Variants in PTPRT observed in about 807,000 individuals in gnomAD.
The protein encoded by PTPRT is receptor-type tyrosine-protein phosphatase T.
In PTPRT, 56 loss-of-function variants were observed where a neutral mutation model predicts 176.8. The observed-to-expected ratio is 0.32, with a 90% CI of 0.26 to 0.40. The LOEUF (loss-of-function observed/expected upper bound fraction) is 0.40, where lower values mean the gene tolerates loss of function less well. PTPRT is among the 10% of genes least tolerant of loss of function. The pLI, the probability that PTPRT is intolerant of heterozygous loss-of-function variation, is 1.00. For missense variants in PTPRT, 1,540 were observed against 1,908.2 expected (o/e 0.81, Z 3.60); for synonymous variants, 783 against 739.0 (o/e 1.06, Z -0.96).
At chr20:42,689,353 G>A (rs963499051) in intron 6 of PTPRT, among the ~76,000 whole-genome samples, 8 of 152,250 alleles carry the variant, frequency 5.3e-5, no homozygotes, top group East Asian at 3.9e-4. Flanking sequence ...GCCACTGGGC[G>A]GCCCAACTCC....
At chr20:42,283,911 T>C (rs1213254915) in intron 12 of PTPRT, among the ~76,000 whole-genome samples, 1 of 152,124 alleles carries the variant, frequency 6.6e-6, no homozygotes, top group Non-Finnish European at 1.5e-5. Flanking sequence ...CGTCCAAGTA[T>C]GACTCCCCAT....
intron 1 of PTPRT, among the ~76,000 whole-genome samples, chr20:43,135,330 A>G (rs2013795047): frequency 6.6e-6 from 1 of 152,224 alleles, no homozygotes; most frequent in Non-Finnish European, 1.5e-5. Context: ...CACACATAAA[A>G]TCATGCTGTA....
At chr20:42,354,849 T>A (rs1310136385) in intron 9 of PTPRT, among the ~76,000 whole-genome samples, 1 of 152,170 alleles carries the variant, frequency 6.6e-6, no homozygotes, top group Non-Finnish European at 1.5e-5. Context: ...TGGTGCCGCA[T>A]CCTTGAGGAG....
Position 42,080,638 on chromosome 20 carries a change from T to C in PTPRT, c.*241A>G. ...TGTGGGTGTACTTCTGCTTGGGCCC[T>C]TGGCTGTGGCTGGTTAGGTTGAAAA... On this transcript the variant is annotated 3_prime_UTR_variant, in exon 31 of 31. Coordinates refer to ENST00000373187, the MANE Select transcript of PTPRT (RefSeq NM_007050.6). 2.6e-6 allele frequency: 1 copy of C among 386,880 alleles called. No homozygotes were observed. Among genetic ancestry groups the C allele is most frequent in the Non-Finnish European group, 4.8e-6 (1 of 210,278 alleles). The allele number at this position is 386,880 out of a possible 1,614,324, so 24.0% of individuals were successfully genotyped here.
intron 6 of PTPRT, among the ~76,000 whole-genome samples, chr20:42,696,430 C>A (rs1297467977): frequency 6.6e-6 from 1 of 151,098 alleles, no homozygotes; most frequent in East Asian, 2.0e-4. Flanking sequence ...TAACAAGGTT[C>A]TAAAGCCTTC....
chr20:42,899,315 A>C (rs990965922), intron 1 of PTPRT, among the ~76,000 whole-genome samples: 1 of 152,218 alleles, frequency 6.6e-6, no homozygotes, highest in African/African-American at 2.4e-5. Flanking sequence ...TTTTCTCGAC[A>C]CAGAAGGACA....
intron 8 of PTPRT, among the ~76,000 whole-genome samples, chr20:42,456,699 A>G (rs550652574): frequency 7.4e-4 from 113 of 152,072 alleles, no homozygotes; most frequent in African/African-American, 2.6e-3. Context: ...TTTTTAAACT[A>G]TTTTTTTGCA....
intron 29 of PTPRT, 93 bp from the exon 30 acceptor site, chr20:42,082,110 T>C: frequency 6.4e-7 from 1 of 1,568,104 alleles, no homozygotes. Context: ...AGGGATCAGC[T>C]GTCTGGGCAG....
intron 7 of PTPRT, among the ~76,000 whole-genome samples, chr20:42,601,480 T>C (rs1274107330): frequency 6.6e-6 from 1 of 152,208 alleles, no homozygotes; most frequent in African/African-American, 2.4e-5. Context: ...TTCCACATTT[T>C]ACACACAAGA....
chr20:42,943,053 T>A (rs989783507), intron 1 of PTPRT, among the ~76,000 whole-genome samples: 4 of 152,218 alleles, frequency 2.6e-5, no homozygotes, highest in African/African-American at 9.6e-5. Flanking sequence ...AGTTTTTTTG[T>A]GGAAACCATT....
At position 42,965,294 on chromosome 20, in the gene PTPRT, G is replaced by A. The variant is rs148556076; in HGVS notation, c.89-79362C>T. Among the ~76,000 whole-genome samples the A allele has an allele frequency of 5.2e-3, 791 of 152,230 alleles. 9 individuals carry two copies. Among genetic ancestry groups the A allele is most frequent in the African/African-American group, 0.018 (753 of 41,534 alleles). On this transcript the variant is annotated intron_variant, in intron 1 of 30. Coordinates refer to ENST00000373187, the MANE Select transcript of PTPRT (RefSeq NM_007050.6). ...CTCTCTGTGGCTTAAATAATGCCACGATGACCTACTTCAAAAGACCAACAT... is the reference window on the plus strand; with the variant it reads ...CTCTCTGTGGCTTAAATAATGCCACAATGACCTACTTCAAAAGACCAACAT...
chr20:43,130,704 T>C (rs568631247), intron 1 of PTPRT, among the ~76,000 whole-genome samples: 1 of 151,558 alleles, frequency 6.6e-6, no homozygotes, highest in Admixed American at 6.6e-5. Context: ...AATCTGTTCG[T>C]CATGCTGAAA....
intron 8 of PTPRT, among the ~76,000 whole-genome samples, chr20:42,464,050 G>A (rs2071064996): frequency 6.6e-6 from 1 of 152,134 alleles, no homozygotes; most frequent in Non-Finnish European, 1.5e-5. Context: ...TTTCCACCAT[G>A]GTTTATTTGA....
At chr20:42,950,059 A>C (rs985515623) in intron 1 of PTPRT, among the ~76,000 whole-genome samples, 8 of 152,206 alleles carry the variant, frequency 5.3e-5, no homozygotes, top group Non-Finnish European at 1.0e-4. Context: ...CTGTGGCAGC[A>C]AAGCGGTACT....
intron 9 of PTPRT, among the ~76,000 whole-genome samples, chr20:42,371,386 A>G (rs2145599915): frequency 6.6e-6 from 1 of 152,342 alleles, no homozygotes; most frequent in South Asian, 2.1e-4. Context: ...CCAAAGCACC[A>G]CTTACAGAGA....
At chr20:42,575,705 C>T (rs1394924537) in intron 7 of PTPRT, among the ~76,000 whole-genome samples, 2 of 152,150 alleles carry the variant, frequency 1.3e-5, no homozygotes, top group Non-Finnish European at 2.9e-5. Context: ...CAGTGGGCCA[C>T]ATTTGATGCA....
chr20:42,529,119 G>A (rs2072331145), intron 7 of PTPRT, among the ~76,000 whole-genome samples: 1 of 152,210 alleles, frequency 6.6e-6, no homozygotes, highest in Non-Finnish European at 1.5e-5. Context: ...ACGTGCTCAA[G>A]TTTCACTACA....
At chr20:42,153,720 C>T (rs1221088104) in intron 17 of PTPRT, among the ~76,000 whole-genome samples, 2 of 152,194 alleles carry the variant, frequency 1.3e-5, no homozygotes. Flanking sequence ...GCTGCCTACA[C>T]GTGTCTCCAT....
chr20:42,191,740 T>A (rs1318541043), intron 16 of PTPRT, among the ~76,000 whole-genome samples: 1 of 152,166 alleles, frequency 6.6e-6, no homozygotes, highest in South Asian at 2.1e-4. Flanking sequence ...GGTTGCTGAC[T>A]AATACATGGT....
Sources: gnomAD v4.1 joint callset for allele counts (sites outside exome capture counted in the v4.1 genomes callset) on GRCh38, gnomAD v4.1.1 for gene constraint, MANE v1.5 for transcripts, NCBI Gene and HGNC (gene_info 2026-07-23, HGNC 2026-07-21) for gene names.